The following NOS1AP variants were observed in gnomAD, a reference collection of about 807,000 sequenced individuals.
NOS1AP encodes nitric oxide synthase 1 adaptor protein.
A neutral mutation model predicts 56.2 loss-of-function variants in NOS1AP; 21 were observed. The ratio of observed to expected loss-of-function variants is 0.37; its 90% CI spans 0.26 to 0.54. The LOEUF (loss-of-function observed/expected upper bound fraction) is 0.54. NOS1AP is among the 20% of genes least tolerant of loss of function. The pLI is 0.84. For synonymous variants in NOS1AP, 270 were observed against 274.6 expected, an observed-to-expected ratio of 0.98 and a Z score of 0.17; for missense variants, 522 against 657.8, an observed-to-expected ratio of 0.79 and a Z score of 2.26.
chr1:162,360,862 C>T (rs775706635), intron 8 of NOS1AP: 8 of 456,580 alleles, frequency 1.8e-5, no homozygotes, highest in South Asian at 1.2e-4. Context: ...TTTCCATGTG[C>T]CTGCTACTCC....
chr1:162,125,130 C>CTTTTTTTTTTTTT lies in NOS1AP; in HGVS notation c.106-29266_106-29254dup, dbSNP rs56264198. On this transcript the variant is annotated intron_variant, in intron 1 of 9. Coordinates refer to ENST00000361897, the MANE Select transcript of NOS1AP (RefSeq NM_014697.3). Reference sequence around the variant, plus strand: ...ATGCCAACATCTATTGTTTCTGACTCTTTTTTTTTTTTTTTTTTTTTAAGA... The same window carrying CTTTTTTTTTTTTT: ...ATGCCAACATCTATTGTTTCTGACTCTTTTTTTTTTTTTTTTTTTTTTTTTTTTTTTTTTAAGA... Among the ~76,000 whole-genome samples, 105 of 124,124 alleles carry CTTTTTTTTTTTTT rather than the reference C, an allele frequency of 8.5e-4. 3 individuals carry two copies. The highest frequency in any genetic ancestry group is 3.2e-3 in the African/African-American group (100 of 30,940). The allele number at this position is 124,124 out of a possible 152,430, so 81.4% of individuals were successfully genotyped here.
intron 2 of NOS1AP, among the ~76,000 whole-genome samples, chr1:162,220,307 T>C (rs1245670145): frequency 2.0e-5 from 3 of 152,050 alleles, no homozygotes; most frequent in African/African-American, 7.2e-5. Context: ...TCATTTTGAT[T>C]CAGCTAGAAT....
chr1:162,355,521 T>C (rs918098305), intron 7 of NOS1AP, among the ~76,000 whole-genome samples, 168 bp downstream of exon 7: 8 of 152,186 alleles, frequency 5.3e-5, no homozygotes, highest in Non-Finnish European at 1.2e-4. Flanking sequence ...CCAGAGGGTC[T>C]GAACACTAGA....
At chr1:162,199,229 GT>G (rs1358937670) in intron 2 of NOS1AP, among the ~76,000 whole-genome samples, 2 of 152,180 alleles carry the variant, frequency 1.3e-5, no homozygotes, top group Non-Finnish European at 1.5e-5. Flanking sequence ...CTGGATGGAG[GT>G]TTTTACTCTT....
At chr1:162,291,817 C>T (rs1655291273) in intron 3 of NOS1AP, among the ~76,000 whole-genome samples, 1 of 152,172 alleles carries the variant, frequency 6.6e-6, no homozygotes, top group African/African-American at 2.4e-5. Context: ...GTCTCTCAAC[C>T]AGTACATTTT....
At position 162,309,210 on chromosome 1, in the gene NOS1AP, G is replaced by T. The variant is rs191346005; in HGVS notation, c.344+8504G>T. Among the ~76,000 whole-genome samples, 15 of 152,314 alleles carry T rather than the reference G, an allele frequency of 9.8e-5. No individual in the cohort carries two copies. In the East Asian group the frequency reaches 2.7e-3, roughly 27 times the overall value. ...TGTTTCACTTAGTTAACAATCAAGAGTTTAAATGATCAAGATGAGCAAGAT... is the reference window on the plus strand; with the variant it reads ...TGTTTCACTTAGTTAACAATCAAGATTTTAAATGATCAAGATGAGCAAGAT... On this transcript the variant is annotated intron_variant, in intron 4 of 9. Transcript: ENST00000361897.
chr1:162,325,594 A>C (rs1278753507), intron 4 of NOS1AP, among the ~76,000 whole-genome samples: 1 of 152,246 alleles, frequency 6.6e-6, no homozygotes, highest in East Asian at 1.9e-4. Context: ...TCCCGAGACC[A>C]GGAGTCATGC....
chr1:162,294,173 T>TAGGAAGGAAGGAAGGAAGGA (rs1295442688), intron 3 of NOS1AP, among the ~76,000 whole-genome samples: 14 of 84,770 alleles, frequency 1.7e-4, no homozygotes, highest in African/African-American at 2.8e-4. Flanking sequence ...GGAAGGCAGG[T>TAGGAAGGAAGGAAGGAAGGA]AGGAAGGAAG....
intron 1 of NOS1AP, among the ~76,000 whole-genome samples, chr1:162,148,703 A>G (rs1403106390): frequency 6.6e-6 from 1 of 152,184 alleles, no homozygotes; most frequent in African/African-American, 2.4e-5. Flanking sequence ...AGGTTCTTAA[A>G]GAAGGGAATA....
At chr1:162,335,726 C>T (rs1044694939) in intron 5 of NOS1AP, among the ~76,000 whole-genome samples, 1 of 152,136 alleles carries the variant, frequency 6.6e-6, no homozygotes, top group Admixed American at 6.5e-5. Flanking sequence ...GTCTGAGATC[C>T]TTTTTGTGTT....
At chr1:162,260,663 A>G (rs1195223021) in intron 2 of NOS1AP, among the ~76,000 whole-genome samples, 1 of 152,148 alleles carries the variant, frequency 6.6e-6, no homozygotes, top group Non-Finnish European at 1.5e-5. Context: ...AAGAGGAAAG[A>G]GGTTGTCTGG....
intron 1 of NOS1AP, among the ~76,000 whole-genome samples, chr1:162,147,280 T>G (rs1649507771): frequency 7.1e-6 from 1 of 140,108 alleles, no homozygotes. Context: ...AGTGAGCCTC[T>G]GAGATCGCAC....
intron 2 of NOS1AP, among the ~76,000 whole-genome samples, chr1:162,195,622 C>G (rs1039829319): frequency 6.6e-6 from 1 of 152,224 alleles, no homozygotes; most frequent in East Asian, 1.9e-4. Flanking sequence ...TTCTGCTTCT[C>G]CAGTTACCAT....
At chr1:162,087,341 G>T (rs1692026318) in intron 1 of NOS1AP, among the ~76,000 whole-genome samples, 1 of 152,130 alleles carries the variant, frequency 6.6e-6, no homozygotes, top group Non-Finnish European at 1.5e-5. Context: ...CAGTCTGAAT[G>T]CATTGGATGT....
At chr1:162,275,770 T>C (rs1432215912) in intron 2 of NOS1AP, among the ~76,000 whole-genome samples, 2 of 152,220 alleles carry the variant, frequency 1.3e-5, no homozygotes, top group Non-Finnish European at 2.9e-5. Flanking sequence ...TCAAATCTCA[T>C]CTGTCTTCGG....
chr1:162,323,229 G>A (rs879477880), intron 4 of NOS1AP, among the ~76,000 whole-genome samples: 1 of 152,214 alleles, frequency 6.6e-6, no homozygotes, highest in Non-Finnish European at 1.5e-5. Flanking sequence ...AGACTAGAGT[G>A]ACGCTGCTGC....
chr1:162,281,964 G>A (rs914248846), intron 2 of NOS1AP, among the ~76,000 whole-genome samples: 7 of 152,194 alleles, frequency 4.6e-5, no homozygotes, highest in Non-Finnish European at 8.8e-5. Flanking sequence ...GCTGGGCATG[G>A]TGGCAGGTGC....
chr1:162,144,399 A>C (rs1040464514), intron 1 of NOS1AP, among the ~76,000 whole-genome samples: 5 of 152,222 alleles, frequency 3.3e-5, no homozygotes, highest in Non-Finnish European at 5.9e-5. Flanking sequence ...GGGTTAGATC[A>C]AATCACATTC....
At chr1:162,231,755 T>C (rs1240155877) in intron 2 of NOS1AP, among the ~76,000 whole-genome samples, 4 of 152,154 alleles carry the variant, frequency 2.6e-5, no homozygotes, top group African/African-American at 9.7e-5. Flanking sequence ...AGATGATAAA[T>C]TGATAACTGG....
Sources: gnomAD v4.1 joint callset for allele counts (sites outside exome capture counted in the v4.1 genomes callset) on GRCh38, gnomAD v4.1.1 for gene constraint, MANE v1.5 for transcripts, NCBI Gene and HGNC (gene_info 2026-07-23, HGNC 2026-07-21) for gene names.